The following ASCC1 variants were observed in gnomAD, a reference collection of about 807,000 sequenced individuals.
ASCC1 encodes the protein activating signal cointegrator 1 complex subunit 1.
Under a neutral mutation model 46.6 loss-of-function variants are expected in ASCC1, and 35 were observed. The observed-to-expected ratio is 0.75, with a 90% CI of 0.57 to 0.99. The LOEUF (loss-of-function observed/expected upper bound fraction) is 0.99, where lower values mean the gene tolerates loss of function less well. ASCC1 is among the 50% of genes least tolerant of loss of function. The pLI is 0.00. For synonymous variants in ASCC1, 143 were observed against 146.6 expected (o/e 0.98, Z 0.18); for missense variants, 376 against 428.7 (o/e 0.88, Z 1.09).
chr10:72,179,067 T>C (rs532530924), intron 5 of ASCC1, among the ~76,000 whole-genome samples: 1 of 152,292 alleles, frequency 6.6e-6, no homozygotes, highest in African/African-American at 2.4e-5. Flanking sequence ...GAGTATATGA[T>C]TTGAATAATA....
chr10:72,131,658 T>C (rs1035247802), intron 8 of ASCC1, among the ~76,000 whole-genome samples: 5 of 152,182 alleles, frequency 3.3e-5, no homozygotes, highest in Admixed American at 1.3e-4. Context: ...ATTTTAGAAC[T>C]AATAACTAGA....
At chr10:72,137,254 T>G (rs1194692594) in intron 7 of ASCC1, among the ~76,000 whole-genome samples, 3 of 150,792 alleles carry the variant, frequency 2.0e-5, no homozygotes, top group East Asian at 2.0e-4. Flanking sequence ...ACAGGCCAAG[T>G]GCAGTGGCTC....
intron 9 of ASCC1, among the ~76,000 whole-genome samples, chr10:72,111,777 G>A (rs963283325): frequency 6.6e-6 from 1 of 152,058 alleles, no homozygotes; most frequent in Non-Finnish European, 1.5e-5. Context: ...GAGTAGCTGG[G>A]ACTACAGGTG....
At position 72,096,628 on chromosome 10, in the gene ASCC1, T is replaced by C; in HGVS notation, c.*706A>G. The C allele has an allele frequency of 2.2e-6, 1 of 454,082 alleles. No homozygotes were observed. The highest frequency in any genetic ancestry group is 4.4e-6 in the Non-Finnish European group (1 of 226,768). The allele number at this position is 454,082 out of a possible 1,614,324, so 28.1% of individuals were successfully genotyped here. A position where few individuals can be genotyped will look rare whatever the true frequency, so the allele number is the denominator to read the frequency against. On this transcript the variant is annotated 3_prime_UTR_variant, in exon 10 of 10. Coordinates refer to ENST00000672957, the MANE Select transcript of ASCC1 (RefSeq NM_001198800.3). ...GATATTTGCACCCCCGTGTCTGTAT[T>C]AGCACTACTCCCAATAGTCAAGAGG...
Position 72,196,700 on chromosome 10 carries a change from T to C in ASCC1, c.489+111A>G. ...AGAAGCCAAAAGAAATAGTTATCTT[T>C]TTTGGTGGGGGAAGAAGTTTATAAC... On this transcript the variant is annotated intron_variant, in intron 5 of 9. Coordinates refer to ENST00000672957, the MANE Select transcript of ASCC1 (RefSeq NM_001198800.3). 2.7e-6 allele frequency: 3 copies of C among 1,121,622 alleles called. No individual in the cohort carries two copies. The South Asian group carries it at 4.4e-5, about 16-fold the overall frequency. The allele number at this position is 1,121,622 out of a possible 1,614,324, so 69.5% of individuals were successfully genotyped here. A position where few individuals can be genotyped will look rare whatever the true frequency, so the allele number is the denominator to read the frequency against.
chr10:72,194,907 T>C (rs1855133905), intron 5 of ASCC1, among the ~76,000 whole-genome samples: 2 of 151,908 alleles, frequency 1.3e-5, no homozygotes, highest in South Asian at 4.2e-4. Flanking sequence ...CAGGCCCGGA[T>C]AATTTTGTAT....
chr10:72,132,918 C>G, intron 8 of ASCC1, 139 bp downstream of exon 8: 1 of 1,035,822 alleles, frequency 9.7e-7, no homozygotes, highest in East Asian at 2.4e-5. Flanking sequence ...CCCACCTCTA[C>G]TATGCTCATC....
chr10:72,200,204 A>G (rs564756376), intron 4 of ASCC1, among the ~76,000 whole-genome samples: 28 of 152,298 alleles, frequency 1.8e-4, no homozygotes, highest in African/African-American at 6.5e-4. Context: ...ATATTATATA[A>G]CTTACTACAC....
At chr10:72,097,568 T>C in intron 9 of ASCC1, 118 bp from the exon 10 acceptor site, 1 of 677,936 alleles carries the variant, frequency 1.5e-6, no homozygotes, top group East Asian at 3.0e-5. Flanking sequence ...CTCTCATGCT[T>C]TTTCTTTTCA....
chr10:72,124,446 A>C (rs1844599306), intron 9 of ASCC1, among the ~76,000 whole-genome samples: 1 of 152,168 alleles, frequency 6.6e-6, no homozygotes, highest in African/African-American at 2.4e-5. Context: ...CTAGGGCTCT[A>C]ATGCCTCCTC....
intron 2 of ASCC1, 101 bp downstream of exon 2, chr10:72,213,086 T>C (rs1858409314): frequency 1.2e-6 from 1 of 806,062 alleles, no homozygotes. Context: ...CATCTCAAAT[T>C]TCAGTGCTGA....
intron 1 of ASCC1, among the ~76,000 whole-genome samples, chr10:72,214,453 G>GCAA (rs1198557318): frequency 7.4e-6 from 1 of 134,984 alleles, no homozygotes; most frequent in Non-Finnish European, 1.5e-5. Flanking sequence ...TCAGCTCACT[G>GCAA]CAACCTCTGC....
At chr10:72,205,111 T>C (rs1262640708) in intron 3 of ASCC1, among the ~76,000 whole-genome samples, 1 of 152,208 alleles carries the variant, frequency 6.6e-6, no homozygotes, top group Non-Finnish European at 1.5e-5. Context: ...AGTTCAAGGC[T>C]ATGGTGAGCT....
Position 72,152,992 on chromosome 10 carries a change from C to T in ASCC1, c.627-4G>A. ...GGGTTTACCCCCAGAAATATCACTGCAAAGGAAAAAGCATTAAGATATCTA... is the reference window on the plus strand; with the variant it reads ...GGGTTTACCCCCAGAAATATCACTGTAAAGGAAAAAGCATTAAGATATCTA... On this transcript the variant is annotated splice_region_variant and splice_polypyrimidine_tract_variant and intron_variant, in intron 6 of 9. Transcript: ENST00000672957. 6.2e-7 allele frequency: 1 copy of T among 1,613,942 alleles called. No homozygotes were observed. The highest frequency in any genetic ancestry group is 1.1e-5 in the South Asian group (1 of 91,078).
Position 72,097,327 on chromosome 10 carries a change from A to G in ASCC1, c.*7T>C. The G allele has an allele frequency of 6.3e-7, 1 of 1,577,030 alleles. No homozygotes were observed. Among genetic ancestry groups the G allele is most frequent in the Non-Finnish European group, 8.7e-7 (1 of 1,146,486 alleles). On this transcript the variant is annotated 3_prime_UTR_variant, in exon 10 of 10. Coordinates refer to ENST00000672957, the MANE Select transcript of ASCC1 (RefSeq NM_001198800.3). ...TGTTTAGTTTCTAGTGCTTTCCAAG[A>G]TCCACCTCAGGAGAAGTCAATTTGT...
chr10:72,133,967 C>T (rs1845892281), intron 7 of ASCC1: 1 of 152,278 alleles, frequency 6.6e-6, no homozygotes, highest in South Asian at 2.1e-4. Context: ...ACCAACTTCA[C>T]AAAACTAAGT....
In ASCC1 at chr10:72,117,794, T is replaced by C. The variant is rs112702956; in HGVS notation, c.957+10288A>G. 8.9e-4 allele frequency among the ~76,000 whole-genome samples: 136 copies of C among 152,286 alleles called. 2 individuals are homozygous for C. Among genetic ancestry groups the C allele is most frequent in the African/African-American group, 3.2e-3 (132 of 41,560 alleles). ...TTAGTATGGCCAACTGAACTGCAGT[T>C]TGTGTATTAGCTTTAAAAGCCTGGA... On this transcript the variant is annotated intron_variant, in intron 9 of 9. Coordinates refer to ENST00000672957, the MANE Select transcript of ASCC1 (RefSeq NM_001198800.3).
intron 9 of ASCC1, among the ~76,000 whole-genome samples, chr10:72,113,067 C>CA (rs779171085): frequency 2.6e-4 from 39 of 151,986 alleles, no homozygotes; most frequent in Non-Finnish European, 5.1e-4. Flanking sequence ...TCACAGGAAC[C>CA]AAAGACAATT....
chr10:72,140,225 AAG>A (rs1846801142), intron 7 of ASCC1, among the ~76,000 whole-genome samples: 1 of 152,236 alleles, frequency 6.6e-6, no homozygotes, highest in Non-Finnish European at 1.5e-5. Context: ...GGCAAGAGGA[AAG>A]AGAAATAGCA....
Sources: gnomAD v4.1 joint callset for allele counts (sites outside exome capture counted in the v4.1 genomes callset) on GRCh38, gnomAD v4.1.1 for gene constraint, MANE v1.5 for transcripts, NCBI Gene and HGNC (gene_info 2026-07-23, HGNC 2026-07-21) for gene names.